XYLB: variants seen among roughly 807,000 people sequenced by gnomAD.
The protein encoded by XYLB is xylulokinase, also known as xylulose kinase.
In XYLB, 62 loss-of-function variants were observed where a neutral mutation model predicts 78.7. The ratio of observed to expected loss-of-function variants is 0.79; its 90% CI spans 0.64 to 0.97. The LOEUF is 0.97. XYLB is among the 50% of genes least tolerant of loss of function. The pLI, the probability that XYLB is intolerant of heterozygous loss-of-function variation, is 0.00. For missense variants in XYLB, 687 were observed against 676.8 expected, an observed-to-expected ratio of 1.02 and a Z score of -0.17; for synonymous variants, 245 against 247.4, an observed-to-expected ratio of 0.99 and a Z score of 0.09.
Position 38,399,285 on chromosome 3 carries a change from T to C in XYLB, c.1439-1606T>C, listed in dbSNP as rs140597750. On this transcript the variant is annotated intron_variant, in intron 17 of 18. Coordinates refer to ENST00000207870, the MANE Select transcript of XYLB (RefSeq NM_005108.4). ...CACACCTGGCTAATTTTTGTAGATATAGGGTTTCGCCATGTTGCCCAGGCT... is the reference window on the plus strand; with the variant it reads ...CACACCTGGCTAATTTTTGTAGATACAGGGTTTCGCCATGTTGCCCAGGCT... Among the ~76,000 whole-genome samples, 1,095 of 151,778 alleles carry C rather than the reference T, an allele frequency of 7.2e-3. 10 individuals are homozygous for C. The highest frequency in any genetic ancestry group is 0.024 in the African/African-American group (987 of 41,432).
intron 5 of XYLB, 103 bp downstream of exon 5, chr3:38,365,388 G>A (rs535507681): frequency 3.2e-5 from 45 of 1,391,784 alleles, no homozygotes; most frequent in Non-Finnish European, 4.1e-5. Flanking sequence ...GTGCTCACGC[G>A]CCCTCACCAG....
chr3:38,415,553 C>T (rs1708760860), downstream of XYLB, among the ~76,000 whole-genome samples: 1 of 152,134 alleles, frequency 6.6e-6, no homozygotes, highest in Admixed American at 6.5e-5. Context: ...GAGGCTGAGG[C>T]AGGAAGATCA....
At chr3:38,448,211 G>A in the XYLB span, among the ~76,000 whole-genome samples, 5 of 146,792 alleles carry the variant, frequency 3.4e-5, no homozygotes, top group African/African-American at 9.9e-5. Context: ...TAGAGAGATA[G>A]ATAACAGAGA....
At position 38,348,596 on chromosome 3, in the gene XYLB, A is replaced by G. The variant is rs763760925; in HGVS notation, c.104A>G (p.Glu35Gly). The G allele has an allele frequency of 1.2e-6, 2 of 1,614,164 alleles. No homozygotes were observed. The highest frequency in any genetic ancestry group is 2.2e-5 in the South Asian group (2 of 91,078). Residue 35 changes from glutamate to glycine, a missense_variant, in exon 2 of 19, where the codon GAA becomes GGA. Glu to Gly is a moderately conservative substitution (Grantham distance 98). Coordinates refer to ENST00000207870, the MANE Select transcript of XYLB (RefSeq NM_005108.4). ...GCAGAGTTGAATGTCTTCTATGAGG[A>G]AAGTGTGCATTTTGACAGAGATCTT... Reference protein sequence around the residue: ...VDAELNVFYEESVHFDRDLPE... With the variant: ...VDAELNVFYEGSVHFDRDLPE...
intron 17 of XYLB, among the ~76,000 whole-genome samples, chr3:38,400,092 C>T (rs932587489): frequency 5.9e-5 from 9 of 152,160 alleles, no homozygotes; most frequent in South Asian, 2.1e-4. Context: ...GTATATCTGA[C>T]GCTACTACCT....
At chr3:38,415,153 G>C (rs1708745676), downstream of XYLB, among the ~76,000 whole-genome samples, 1 of 152,206 alleles carries the variant, frequency 6.6e-6, no homozygotes, top group African/African-American at 2.4e-5. Flanking sequence ...GAAAGACCTG[G>C]TTGGCCTCAA....
chr3:38,365,353 G>C (rs1706198028), intron 5 of XYLB, 68 bp downstream of exon 5: 1 of 1,534,584 alleles, frequency 6.5e-7, no homozygotes, highest in Admixed American at 1.7e-5. Context: ...GGGTCCTGAA[G>C]CCTGCTCATC....
intron 9 of XYLB, chr3:38,372,311 CTTTT>C (rs997623987): frequency 1.7e-6 from 1 of 579,118 alleles, no homozygotes; most frequent in African/African-American, 2.1e-5. Context: ...GTCCTGTTAC[CTTTT>C]TTTTTTTAAT....
intron 2 of XYLB, among the ~76,000 whole-genome samples, chr3:38,357,534 C>G (rs913377580): frequency 5.9e-5 from 9 of 152,196 alleles, no homozygotes; most frequent in Middle Eastern, 3.4e-3. Flanking sequence ...CTACAGGCAC[C>G]CGCCACCACG....
At chr3:38,358,350 TG>T (rs1559575731) in intron 2 of XYLB, among the ~76,000 whole-genome samples, 2,585 of 96,256 alleles carry the variant, frequency 0.027, 123 homozygotes, top group African/African-American at 0.086. Flanking sequence ...TGTGTGTGTG[TG>T]TGTGTGTTTG....
At chr3:38,427,428 G>A in the XYLB span, among the ~76,000 whole-genome samples, 1 of 152,176 alleles carries the variant, frequency 6.6e-6, no homozygotes, top group Non-Finnish European at 1.5e-5. Context: ...AGTACTTGTA[G>A]TGAAAGAATT....
At chr3:38,364,645 T>C (rs952727956) in intron 4 of XYLB, among the ~76,000 whole-genome samples, 6 of 150,802 alleles carry the variant, frequency 4.0e-5, no homozygotes, top group East Asian at 2.0e-4. Flanking sequence ...CTGATACTCA[T>C]GACCACTTCC....
chr3:38,355,518 A>G (rs868330199), intron 2 of XYLB, among the ~76,000 whole-genome samples: 15 of 152,190 alleles, frequency 9.9e-5, no homozygotes, highest in Non-Finnish European at 1.5e-5. Flanking sequence ...TACTACTGTA[A>G]GTGGGGAAGG....
intron 2 of XYLB, among the ~76,000 whole-genome samples, chr3:38,352,297 C>T (rs970977778): frequency 6.6e-5 from 10 of 151,952 alleles, no homozygotes; most frequent in Admixed American, 3.3e-4. Flanking sequence ...TTCCGCCTCC[C>T]GGGTTGTCCT....
At chr3:38,350,495 G>T (rs1006677094) in intron 2 of XYLB, among the ~76,000 whole-genome samples, 1 of 152,044 alleles carries the variant, frequency 6.6e-6, no homozygotes, top group South Asian at 2.1e-4. Flanking sequence ...CTGGCTAGAG[G>T]TTTATCAATT....
At chr3:38,354,370 TA>T (rs1705530101) in intron 2 of XYLB, among the ~76,000 whole-genome samples, 1 of 152,012 alleles carries the variant, frequency 6.6e-6, no homozygotes, top group African/African-American at 2.4e-5. Flanking sequence ...ACCCGGCCTG[TA>T]ATATGTTTTA....
chr3:38,375,641 TGGC>T (rs1274289804), intron 12 of XYLB, among the ~76,000 whole-genome samples: 2 of 152,092 alleles, frequency 1.3e-5, no homozygotes, highest in Non-Finnish European at 2.9e-5. Flanking sequence ...CCTCAGCAAA[TGGC>T]GGGAAGGACA....
chr3:38,370,239 C>T (rs541430517), intron 9 of XYLB, 65 bp downstream of exon 9: 6 of 920,590 alleles, frequency 6.5e-6, no homozygotes, highest in African/African-American at 2.0e-5. Flanking sequence ...AGCACTGTAG[C>T]GCACACACAC....
chr3:38,359,495 T>C (rs966698162), intron 2 of XYLB, among the ~76,000 whole-genome samples: 4 of 152,214 alleles, frequency 2.6e-5, no homozygotes, highest in South Asian at 2.1e-4. Flanking sequence ...ACCACTGATC[T>C]CCTTTTCTCA....
Sources: gnomAD v4.1 joint callset for allele counts (sites outside exome capture counted in the v4.1 genomes callset) on GRCh38, gnomAD v4.1.1 for gene constraint, MANE v1.5 for transcripts, NCBI Gene and HGNC (gene_info 2026-07-23, HGNC 2026-07-21) for gene names.